Variants in PAK1 observed in about 807,000 individuals in gnomAD.
The protein encoded by PAK1 is serine/threonine-protein kinase PAK 1.
In PAK1, 29 loss-of-function variants were observed where a neutral mutation model predicts 67.4. The observed-to-expected ratio is 0.43, with a 90% confidence interval of 0.32 to 0.59. The LOEUF (loss-of-function observed/expected upper bound fraction) is 0.59. Among genes scored for constraint, PAK1 ranks in the 20% least tolerant of loss-of-function variants. The pLI is 0.07. For missense variants in PAK1, 337 were observed against 670.7 expected, an observed-to-expected ratio of 0.50 and a Z score of 5.50; for synonymous variants, 223 against 237.4, an observed-to-expected ratio of 0.94 and a Z score of 0.56.
At chr11:77,361,736 A>G (rs955241956) in intron 5 of PAK1, among the ~76,000 whole-genome samples, 1 of 152,182 alleles carries the variant, frequency 6.6e-6, no homozygotes, top group African/African-American at 2.4e-5. Context: ...CTTGGTTCTC[A>G]GTTCTTTTAA....
At position 77,354,903 on chromosome 11, in the gene PAK1, C is replaced by A. The variant is rs553893419; in HGVS notation, c.772+765G>T. Among the ~76,000 whole-genome samples, 6 of 152,346 alleles carry A rather than the reference C, an allele frequency of 3.9e-5. 1 individual carries two copies. The highest frequency in any genetic ancestry group is 1.3e-4 in the Admixed American group (2 of 15,304). On this transcript the variant is annotated intron_variant, in intron 7 of 14. Coordinates refer to ENST00000356341, the MANE Select transcript of PAK1 (RefSeq NM_002576.5). Reference sequence around the variant, plus strand: ...CTAGTTCTTCCTTCTAACATGAATTCTTCTGCAGTTTACTGAAACACAGAA... The same window carrying A: ...CTAGTTCTTCCTTCTAACATGAATTATTCTGCAGTTTACTGAAACACAGAA...
chr11:77,407,407 C>G (rs564326281), intron 1 of PAK1, among the ~76,000 whole-genome samples: 1 of 152,296 alleles, frequency 6.6e-6, no homozygotes, highest in South Asian at 2.1e-4. Flanking sequence ...TCCTATTAGT[C>G]TGTGAGTTTT....
At chr11:77,396,103 A>G (rs1462218213) in intron 1 of PAK1, among the ~76,000 whole-genome samples, 1 of 152,200 alleles carries the variant, frequency 6.6e-6, no homozygotes, top group Non-Finnish European at 1.5e-5. Flanking sequence ...CAAAGGTTTC[A>G]CCAACCTTCC....
At chr11:77,502,001 ACC>A in the PAK1 span, among the ~76,000 whole-genome samples, 1 of 106,612 alleles carries the variant, frequency 9.4e-6, no homozygotes, top group Non-Finnish European at 2.5e-5. Flanking sequence ...ATCTGCTGAC[ACC>A]TGTGCCTGCT....
upstream of PAK1, among the ~76,000 whole-genome samples, chr11:77,477,949 T>A (rs1958077308): frequency 6.6e-6 from 1 of 152,184 alleles, no homozygotes; most frequent in African/African-American, 2.4e-5. Flanking sequence ...GATCATTATT[T>A]ACCCAATTTT....
At chr11:77,337,000 C>CT (rs1565584361) in intron 12 of PAK1, among the ~76,000 whole-genome samples, 1 of 151,218 alleles carries the variant, frequency 6.6e-6, no homozygotes, top group Non-Finnish European at 1.5e-5. Context: ...ATACAAAACT[C>CT]TTTTTTCTAA....
chr11:77,377,489 C>CGT (rs1949251377), intron 4 of PAK1, among the ~76,000 whole-genome samples: 1 of 152,104 alleles, frequency 6.6e-6, no homozygotes, highest in South Asian at 2.1e-4. Flanking sequence ...GATGTACACA[C>CGT]GTATCTGTAC....
intron 8 of PAK1, 90 bp from the exon 9 acceptor site, chr11:77,349,377 G>GTGT: frequency 1.0e-6 from 1 of 978,342 alleles, no homozygotes; most frequent in Non-Finnish European, 1.6e-6. Context: ...CACAATCTGT[G>GTGT]AGTGTCAAAA....
intron 5 of PAK1, among the ~76,000 whole-genome samples, chr11:77,370,951 C>A (rs1211946603): frequency 6.6e-6 from 1 of 152,176 alleles, no homozygotes; most frequent in African/African-American, 2.4e-5. Flanking sequence ...TTCATGCTGT[C>A]CATCAGACAG....
At position 77,355,733 on chromosome 11, in the gene PAK1, G is replaced by C; in HGVS notation, c.707C>G (p.Thr236Ser). 3 of 1,613,460 alleles carry C rather than the reference G, an allele frequency of 1.9e-6. No homozygotes were observed. The highest frequency in any genetic ancestry group is 1.7e-6 in the Non-Finnish European group (2 of 1,179,428). The change falls in exon 7 of 15, where the codon ACC (threonine) becomes AGC (serine). Residue 236 changes from threonine to serine, a missense_variant. Physicochemically the swap from Thr to Ser is moderately conservative, Grantham distance 58. Transcript: ENST00000356341. ...ENNTTPPDAL[T>S]RNTEKQKKKP... ...CTTCTTCTGCTTCTCAGTATTCCGG[G>C]TCAAAGCATCTGGTGGAGTGGTGTT...
At chr11:77,516,252 A>T in the PAK1 span, among the ~76,000 whole-genome samples, 4 of 152,230 alleles carry the variant, frequency 2.6e-5, no homozygotes, top group Non-Finnish European at 1.5e-5. Context: ...ATTATTTTTC[A>T]GTATAACTCC....
intron 3 of PAK1, 93 bp downstream of exon 3, chr11:77,379,801 T>C (rs371889936): frequency 4.6e-5 from 40 of 866,712 alleles, no homozygotes; most frequent in East Asian, 3.0e-4. Flanking sequence ...CAGGCAAAGA[T>C]AGAAGCATCA....
rs767696784 is a variant in PAK1 at position 77,323,112 on chromosome 11, A to G, written c.*162T>C. ...AGTCATTCAGTTGCAGTTCTCTTCA[A>G]TGCTGGACACACGGTTTCCAAGGAT... On this transcript the variant is annotated 3_prime_UTR_variant, in exon 15 of 15. Coordinates refer to ENST00000356341, the MANE Select transcript of PAK1 (RefSeq NM_002576.5). The G allele has an allele frequency of 8.6e-5, 116 of 1,352,202 alleles. No individual in the cohort carries two copies. Among genetic ancestry groups the G allele is most frequent in the Non-Finnish European group, 1.1e-4 (111 of 972,422 alleles). 83.8% of individuals were successfully genotyped at this position (1,352,202 alleles called of 1,614,324 possible).
At position 77,428,742 on chromosome 11, in the gene PAK1, G is replaced by A. The variant is rs115552913; in HGVS notation, c.-21-36201C>T. Among the ~76,000 whole-genome samples the A allele has an allele frequency of 2.0e-3, 307 of 151,844 alleles. 3 individuals carry two copies. Among genetic ancestry groups the A allele is most frequent in the African/African-American group, 7.1e-3 (293 of 41,362 alleles). On this transcript the variant is annotated intron_variant, in intron 1 of 14. Transcript: ENST00000356341. ...GCATCCACATTTGGGGCAGGGAGGT[G>A]GACTGGTGTGGAATATCATAGTCTA...
At chr11:77,430,676 C>A (rs1028885402) in intron 1 of PAK1, among the ~76,000 whole-genome samples, 4 of 152,212 alleles carry the variant, frequency 2.6e-5, no homozygotes, top group African/African-American at 9.7e-5. Context: ...TGATTGCTGA[C>A]TCTTCCCCCT....
At chr11:77,377,313 TA>T (rs781232914) in intron 4 of PAK1, among the ~76,000 whole-genome samples, 3 of 152,040 alleles carry the variant, frequency 2.0e-5, no homozygotes, top group Non-Finnish European at 1.5e-5. Context: ...TCATAACTAA[TA>T]GTATAAGAGG....
the PAK1 span, among the ~76,000 whole-genome samples, chr11:77,490,767 C>T: frequency 6.6e-6 from 1 of 152,194 alleles, no homozygotes; most frequent in Non-Finnish European, 1.5e-5. Context: ...GGAAACTTTT[C>T]ATTTTGTTCT....
intron 1 of PAK1, among the ~76,000 whole-genome samples, chr11:77,404,270 T>C (rs879515654): frequency 6.6e-6 from 1 of 150,898 alleles, no homozygotes; most frequent in Non-Finnish European, 1.5e-5. Context: ...ACTTTTTCTT[T>C]CTTTTTTTTT....
upstream of PAK1, chr11:77,474,598 T>C (rs1373456080): frequency 6.6e-6 from 1 of 152,168 alleles, no homozygotes; most frequent in Non-Finnish European, 1.5e-5. Context: ...ATGAGCTCGT[T>C]GTCAAGGGCT....
Sources: allele counts gnomAD v4.1 joint callset (sites outside exome capture counted in the v4.1 genomes callset), GRCh38; gene constraint gnomAD v4.1.1; transcripts MANE v1.5; gene names NCBI Gene and HGNC (gene_info 2026-07-23, HGNC 2026-07-21).